The following MACROD2 variants were observed in gnomAD, a reference collection of about 807,000 sequenced individuals.
MACROD2 encodes the protein mono-ADP ribosylhydrolase 2.
Under a neutral mutation model 70.4 loss-of-function variants are expected in MACROD2, and 36 were observed. That is an observed-to-expected ratio of 0.51 (90% CI 0.39 to 0.68). The LOEUF is 0.68. MACROD2 is among the 30% of genes least tolerant of loss of function. MACROD2 has a pLI of 0.00. For synonymous variants in MACROD2, 172 were observed against 178.8 expected, an observed-to-expected ratio of 0.96 and a Z score of 0.30; for missense variants, 496 against 538.4, an observed-to-expected ratio of 0.92 and a Z score of 0.78.
At chr20:14,030,469 C>T (rs1432786098) in intron 2 of MACROD2, among the ~76,000 whole-genome samples, 4 of 151,872 alleles carry the variant, frequency 2.6e-5, no homozygotes, top group South Asian at 2.1e-4. Flanking sequence ...CGTGCAGTGG[C>T]GTGATTTCGG....
At chr20:15,671,067 C>G (rs1192515956) in intron 8 of MACROD2, among the ~76,000 whole-genome samples, 2 of 152,202 alleles carry the variant, frequency 1.3e-5, no homozygotes, top group Admixed American at 6.5e-5. Flanking sequence ...CTCAGCTGAT[C>G]TCTGCCTGGG....
intron 13 of MACROD2, chr20:15,985,681 T>C (rs998701135): frequency 1.3e-5 from 2 of 152,386 alleles, no homozygotes; most frequent in Non-Finnish European, 2.9e-5. Context: ...CCCCGCAGGA[T>C]GCTCCACAGG....
intron 5 of MACROD2, among the ~76,000 whole-genome samples, chr20:15,040,664 G>T (rs2075349220): frequency 6.6e-6 from 1 of 152,060 alleles, no homozygotes; most frequent in Non-Finnish European, 1.5e-5. Flanking sequence ...TTCTTCTATG[G>T]GTTTAACATA....
intron 8 of MACROD2, among the ~76,000 whole-genome samples, chr20:15,633,728 A>T (rs752900963): frequency 2.0e-4 from 31 of 152,188 alleles, no homozygotes; most frequent in Non-Finnish European, 3.1e-4. Flanking sequence ...CATTGAATCT[A>T]TTACCATAAT....
chr20:14,600,327 C>CATATAT lies in MACROD2; in HGVS notation c.302-84504_302-84499dup, dbSNP rs769273379. Among the ~76,000 whole-genome samples, 376 of 128,732 alleles carry CATATAT rather than the reference C, an allele frequency of 2.9e-3. 10 individuals are homozygous for CATATAT. Among genetic ancestry groups the CATATAT allele is most frequent in the African/African-American group, 0.011 (352 of 31,150 alleles). The allele number at this position is 128,732 out of a possible 152,430, so 84.5% of individuals were successfully genotyped here. On this transcript the variant is annotated intron_variant, in intron 4 of 17. Transcript: ENST00000684519. ...GTAAAAAGTATGTAATATGCAGCTACATATATATATATATATACACACACA... is the reference window on the plus strand; with the variant it reads ...GTAAAAAGTATGTAATATGCAGCTACATATATATATATATATATATATACACACACA...
intron 7 of MACROD2, among the ~76,000 whole-genome samples, chr20:15,483,142 A>G (rs145178513): frequency 1.3e-5 from 2 of 152,272 alleles, no homozygotes; most frequent in East Asian, 3.9e-4. Context: ...CAGTATATCC[A>G]AAGTTGCCTA....
At chr20:15,895,247 C>A (rs1368836220) in intron 10 of MACROD2, among the ~76,000 whole-genome samples, 1 of 152,206 alleles carries the variant, frequency 6.6e-6, no homozygotes, top group Non-Finnish European at 1.5e-5. Flanking sequence ...CCTAATATGA[C>A]TCAATAATAC....
chr20:14,466,502 G>A (rs1314768994), intron 3 of MACROD2, among the ~76,000 whole-genome samples: 1 of 151,978 alleles, frequency 6.6e-6, no homozygotes, highest in African/African-American at 2.4e-5. Context: ...GCTCAAAGTA[G>A]TTTGATCATC....
intron 10 of MACROD2, among the ~76,000 whole-genome samples, chr20:15,928,257 T>G (rs767041729): frequency 4.6e-5 from 7 of 152,238 alleles, no homozygotes; most frequent in Non-Finnish European, 8.8e-5. Flanking sequence ...TGTCCTGTTC[T>G]TGCAACATTC....
intron 7 of MACROD2, among the ~76,000 whole-genome samples, chr20:15,480,822 T>C (rs570762062): frequency 6.6e-6 from 1 of 152,288 alleles, no homozygotes; most frequent in South Asian, 2.1e-4. Flanking sequence ...TGTCCCTCCA[T>C]GACTGTGGTT....
intron 6 of MACROD2, among the ~76,000 whole-genome samples, chr20:15,278,335 G>T (rs75519832): frequency 0.034 from 5,136 of 152,222 alleles, 113 homozygotes; most frequent in South Asian, 0.078. Flanking sequence ...GGGGAGATAG[G>T]TCCTTACTTG....
At chr20:15,704,309 A>T (rs1474519472) in intron 8 of MACROD2, among the ~76,000 whole-genome samples, 1 of 152,140 alleles carries the variant, frequency 6.6e-6, no homozygotes, top group East Asian at 1.9e-4. Flanking sequence ...ACATTTTAGC[A>T]GTTACTCACA....
intron 17 of MACROD2, among the ~76,000 whole-genome samples, chr20:16,048,464 G>C (rs926719565): frequency 8.5e-5 from 13 of 152,050 alleles, no homozygotes; most frequent in Non-Finnish European, 1.8e-4. Context: ...GAATAACCAA[G>C]ACATGTTAAG....
chr20:14,261,957 T>C (rs956385742), intron 3 of MACROD2, among the ~76,000 whole-genome samples: 3 of 152,068 alleles, frequency 2.0e-5, no homozygotes, highest in African/African-American at 7.2e-5. Flanking sequence ...TCTTAGACCA[T>C]AGTGTTTTGG....
chr20:15,524,041 C>G lies in MACROD2; in HGVS notation c.645+24194C>G, dbSNP rs1018549663. Among the ~76,000 whole-genome samples, 2 of 152,154 alleles carry G rather than the reference C, an allele frequency of 1.3e-5. 1 individual carries two copies. Among genetic ancestry groups the G allele is most frequent in the Admixed American group, 1.3e-4 (2 of 15,282 alleles). On this transcript the variant is annotated intron_variant, in intron 8 of 17. Transcript: ENST00000684519. ...TATGTACCTCGCCCGGGCTCACACT[C>G]ATCCTGATGCAGTAACTTGGAAGTC... is the stretch of plus-strand genomic sequence containing the variant.
Position 13,995,875 on chromosome 20 carries a change from T to A in MACROD2, c.46+66T>A. 6.7e-7 allele frequency: 1 copy of A among 1,481,970 alleles called. No homozygotes were observed. Among genetic ancestry groups the A allele is most frequent in the Non-Finnish European group, 9.2e-7 (1 of 1,087,418 alleles). The allele number at this position is 1,481,970 out of a possible 1,614,324, so 91.8% of individuals were successfully genotyped here. The stretch of plus-strand genomic sequence containing the variant: ...GTTAGGGTGGGGGCGGGGGTCAGGC[T>A]GTGTGTGCCGCGGCGCCCTCCGCCC... On this transcript the variant is annotated intron_variant, in intron 1 of 17. Coordinates refer to ENST00000684519, the MANE Select transcript of MACROD2 (RefSeq NM_001351661.2). This position sits in a 1 kb window ranked among gnomAD's most constrained non-coding sequence, Gnocchi z 4.3.
At chr20:15,279,830 C>T (rs1312198758) in intron 6 of MACROD2, among the ~76,000 whole-genome samples, 1 of 152,106 alleles carries the variant, frequency 6.6e-6, no homozygotes. Context: ...TTATTTAACC[C>T]AGTGCAAAAA....
intron 3 of MACROD2, among the ~76,000 whole-genome samples, chr20:14,297,091 C>G (rs193301954): frequency 2.7e-4 from 41 of 151,892 alleles, no homozygotes; most frequent in Admixed American, 2.2e-3. Flanking sequence ...GTGAACTGAG[C>G]ACATATAAGA....
intron 5 of MACROD2, among the ~76,000 whole-genome samples, chr20:15,225,004 C>T (rs1365896943): frequency 6.6e-6 from 1 of 150,476 alleles, no homozygotes; most frequent in East Asian, 2.0e-4. Context: ...TACGTTACCA[C>T]TTTAATATGT....
Sources: allele counts gnomAD v4.1 joint callset (sites outside exome capture counted in the v4.1 genomes callset), GRCh38; gene constraint gnomAD v4.1.1; non-coding constraint Gnocchi (gnomAD v3.1); transcripts MANE v1.5; gene names NCBI Gene and HGNC (gene_info 2026-07-23, HGNC 2026-07-21).